Variants in ERC2 observed in about 807,000 individuals in gnomAD.
ERC2 encodes ELKS/RAB6-interacting/CAST family member 2.
A neutral mutation model predicts 114.8 loss-of-function variants in ERC2; 42 were observed. The observed-to-expected ratio is 0.37, with a 90% confidence interval of 0.29 to 0.47. ERC2 has a LOEUF of 0.47. Among genes scored for constraint, ERC2 ranks in the 20% least tolerant of loss-of-function variants. ERC2 has a pLI of 0.99. For missense variants in ERC2, 939 were observed against 1,150.7 expected, an observed-to-expected ratio of 0.82 and a Z score of 2.66; for synonymous variants, 454 against 425.5, an observed-to-expected ratio of 1.07 and a Z score of -0.82.
At chr3:55,546,772 C>G in intron 17 of ERC2, among the ~76,000 whole-genome samples, 1 of 152,186 alleles carries the variant, frequency 6.6e-6, no homozygotes, top group East Asian at 1.9e-4. Flanking sequence ...CAAGCGCAGG[C>G]CTCTCCGGTA....
intron 13 of ERC2, among the ~76,000 whole-genome samples, chr3:55,940,718 A>T (rs568260564): frequency 1.6e-4 from 24 of 152,322 alleles, no homozygotes; most frequent in African/African-American, 2.2e-4. Flanking sequence ...AAAAAACATC[A>T]TTGGGAATGC....
intron 2 of ERC2, among the ~76,000 whole-genome samples, chr3:56,308,799 T>C (rs73088516): frequency 0.1 from 15,292 of 152,250 alleles, 1,098 homozygotes; most frequent in African/African-American, 0.2. Context: ...GTGAAGTTTT[T>C]TTTTTTAATA....
chr3:56,018,626 T>C (rs538416566), intron 8 of ERC2, among the ~76,000 whole-genome samples: 8 of 152,224 alleles, frequency 5.3e-5, no homozygotes, highest in African/African-American at 1.2e-4. Context: ...TTTCAAATTA[T>C]ATCATCGTAA....
intron 3 of ERC2, among the ~76,000 whole-genome samples, chr3:56,272,499 G>T (rs2053719426): frequency 6.6e-6 from 1 of 152,234 alleles, no homozygotes; most frequent in Non-Finnish European, 1.5e-5. Flanking sequence ...GCCAGGCACA[G>T]TGGCTCATGC....
At chr3:55,922,727 A>G (rs1295522377) in intron 13 of ERC2, among the ~76,000 whole-genome samples, 3 of 152,160 alleles carry the variant, frequency 2.0e-5, no homozygotes, top group African/African-American at 7.2e-5. Flanking sequence ...TGCTCTTTAA[A>G]GAAACCAGCA....
chr3:55,637,693 T>A (rs1312073567), intron 17 of ERC2, among the ~76,000 whole-genome samples: 1 of 152,210 alleles, frequency 6.6e-6, no homozygotes, highest in Admixed American at 6.5e-5. Flanking sequence ...TTTAGTTTTT[T>A]TTGTTAACTC....
intron 12 of ERC2, among the ~76,000 whole-genome samples, chr3:55,984,585 C>A (rs1028604791): frequency 1.3e-5 from 2 of 152,116 alleles, no homozygotes; most frequent in African/African-American, 4.8e-5. Context: ...CCCCATCCCA[C>A]CCTTCCCTAC....
chr3:55,723,212 G>A (rs983740195), intron 15 of ERC2, among the ~76,000 whole-genome samples: 4 of 152,176 alleles, frequency 2.6e-5, no homozygotes, highest in South Asian at 2.1e-4. Flanking sequence ...ACTTTATTAT[G>A]TAGTATGTCA....
intron 6 of ERC2, among the ~76,000 whole-genome samples, chr3:56,116,851 G>C (rs911314285): frequency 6.6e-6 from 1 of 152,102 alleles, no homozygotes; most frequent in Non-Finnish European, 1.5e-5. Flanking sequence ...CTTCCTGGGG[G>C]ACCATGTTTA....
chr3:55,910,794 C>A (rs958111421), intron 13 of ERC2, among the ~76,000 whole-genome samples: 5 of 152,204 alleles, frequency 3.3e-5, no homozygotes, highest in Non-Finnish European at 7.3e-5. Flanking sequence ...GTGAGTGGCA[C>A]AGCTGGGATT....
chr3:55,530,094 G>T (rs147917391), intron 17 of ERC2, among the ~76,000 whole-genome samples: 44 of 152,344 alleles, frequency 2.9e-4, no homozygotes, highest in African/African-American at 1.0e-3. Context: ...TTTCATGAAT[G>T]AATGAATCAA....
intron 2 of ERC2, among the ~76,000 whole-genome samples, chr3:56,410,608 G>C (rs969430343): frequency 6.6e-6 from 1 of 152,114 alleles, no homozygotes; most frequent in Admixed American, 6.5e-5. Flanking sequence ...TTTCTGGGGG[G>C]GTTGTTTTTA....
chr3:55,993,010 T>G (rs926438028), intron 10 of ERC2, among the ~76,000 whole-genome samples: 1 of 151,658 alleles, frequency 6.6e-6, no homozygotes, highest in African/African-American at 2.4e-5. Flanking sequence ...TGCAGAATAA[T>G]TTGCAGCCAA....
intron 17 of ERC2, among the ~76,000 whole-genome samples, chr3:55,529,164 C>T (rs1348765351): frequency 6.6e-6 from 1 of 152,216 alleles, no homozygotes. Flanking sequence ...CCCTTCAAGT[C>T]TACCTTTGGA....
intron 6 of ERC2, among the ~76,000 whole-genome samples, chr3:56,102,181 C>T (rs547771715): frequency 1.3e-5 from 2 of 152,268 alleles, no homozygotes; most frequent in South Asian, 2.1e-4. Context: ...AGGCGAGTGA[C>T]ACAAGCGCTC....
intron 16 of ERC2, among the ~76,000 whole-genome samples, chr3:55,698,197 T>TG (rs2063035562): frequency 6.6e-6 from 1 of 151,974 alleles, no homozygotes; most frequent in Non-Finnish European, 1.5e-5. Context: ...TCAGCAATGT[T>TG]GGGGTCTCGG....
chr3:56,006,889 T>C (rs557580656), intron 10 of ERC2, among the ~76,000 whole-genome samples: 1 of 152,200 alleles, frequency 6.6e-6, no homozygotes, highest in Admixed American at 6.5e-5. Context: ...TTGCTGATAG[T>C]TGAGATTTGC....
chr3:55,843,312 T>G (rs541544595), intron 14 of ERC2, among the ~76,000 whole-genome samples: 3 of 152,190 alleles, frequency 2.0e-5, no homozygotes, highest in Non-Finnish European at 2.9e-5. Context: ...GGCAGAGGGA[T>G]AAGATAGAAG....
chr3:56,071,597 C>T (rs1424267646), intron 7 of ERC2, among the ~76,000 whole-genome samples: 1 of 152,168 alleles, frequency 6.6e-6, no homozygotes, highest in African/African-American at 2.4e-5. Context: ...AAGACAGTGC[C>T]TGTAGATGCT....
Sources: gnomAD v4.1 joint callset for allele counts (sites outside exome capture counted in the v4.1 genomes callset) on GRCh38, gnomAD v4.1.1 for gene constraint, MANE v1.5 for transcripts, NCBI Gene and HGNC (gene_info 2026-07-23, HGNC 2026-07-21) for gene names.